The following SEMA5B variants were observed in gnomAD, a reference collection of about 807,000 sequenced individuals.
SEMA5B encodes semaphorin-5B.
SEMA5B carries 66 observed loss-of-function variants against 135.0 expected under a neutral mutation model. The ratio of observed to expected loss-of-function variants is 0.49; its 90% CI spans 0.40 to 0.60. The LOEUF (loss-of-function observed/expected upper bound fraction) is 0.60, where lower values mean the gene tolerates loss of function less well. Ranked by LOEUF, SEMA5B falls within the 20% of genes least tolerant of loss-of-function variation. The probability of loss-of-function intolerance (pLI) is 0.00; values close to 1 mark genes in which losing one functional copy is unlikely to be tolerated. For synonymous variants in SEMA5B, 690 were observed against 639.5 expected, an observed-to-expected ratio of 1.08 and a Z score of -1.19; for missense variants, 1,501 against 1,566.3, an observed-to-expected ratio of 0.96 and a Z score of 0.70.
rs371809601 is a variant in SEMA5B, at chr3:122,978,467, T to G, written c.-38-17166A>C. Among the ~76,000 whole-genome samples, 34 of 152,358 alleles carry G rather than the reference T, an allele frequency of 2.2e-4. No individual in the cohort carries two copies. In the East Asian group the frequency reaches 2.3e-3, roughly 10 times the overall value. The stretch of plus-strand genomic sequence containing the variant: ...AACCCTGGGCTGTACAAGCCCATGA[T>G]GACAGAGCTAGGTTTTTTCTTTTAA... On this transcript the variant is annotated intron_variant, in intron 1 of 22. Transcript: ENST00000357599.
At chr3:122,974,113 C>T (rs1411261617) in intron 1 of SEMA5B, among the ~76,000 whole-genome samples, 2 of 152,220 alleles carry the variant, frequency 1.3e-5, no homozygotes, top group Non-Finnish European at 2.9e-5. Flanking sequence ...CCCATCTGCT[C>T]CCGCCATGTG....
chr3:122,913,263 G>C lies in SEMA5B; in HGVS notation c.2442C>G (p.Phe814Leu). Residue 814 changes from phenylalanine (F) to leucine (L), a missense_variant, in exon 17 of 23, where the codon TTC becomes TTG. Physicochemically the swap from Phe to Leu is conservative, Grantham distance 22. Coordinates refer to ENST00000357599, the MANE Select transcript of SEMA5B (RefSeq NM_001031702.4). The stretch of plus-strand genomic sequence containing the variant: ...TCCTCGTCTCGGTCCTTCTCCTGCC[G>C]AACTGCAGGCCGTGCGGGTCTGCAA... ...APLADPHGLQ[F>L]GRRRTETRTC... is the part of the protein sequence containing the mutation. The C allele has an allele frequency of 6.3e-7, 1 of 1,585,132 alleles. No homozygotes were observed. Among genetic ancestry groups the C allele is most frequent in the South Asian group, 1.1e-5 (1 of 88,286 alleles).
chr3:122,941,805 T>C (rs991715654), intron 4 of SEMA5B, among the ~76,000 whole-genome samples: 10 of 152,266 alleles, frequency 6.6e-5, no homozygotes, highest in African/African-American at 2.4e-4. Flanking sequence ...GATTTTAATG[T>C]TGTCCTACAG....
At chr3:122,972,635 C>A (rs567719495) in intron 1 of SEMA5B, among the ~76,000 whole-genome samples, 2 of 152,342 alleles carry the variant, frequency 1.3e-5, no homozygotes, top group East Asian at 3.9e-4. Context: ...GAGACCCCCA[C>A]CTGAGTCGGT....
chr3:122,924,894 C>G (rs1322976122), intron 9 of SEMA5B, among the ~76,000 whole-genome samples: 8 of 152,202 alleles, frequency 5.3e-5, no homozygotes, highest in Non-Finnish European at 1.2e-4. Context: ...TAGCATTTCT[C>G]ATGATTAAAA....
At chr3:122,968,300 T>A (rs1276853017) in intron 1 of SEMA5B, among the ~76,000 whole-genome samples, 1 of 152,246 alleles carries the variant, frequency 6.6e-6, no homozygotes, top group Admixed American at 6.5e-5. Context: ...TTGCGATAAT[T>A]ATGGTCTGCT....
chr3:122,925,814 T>C (rs1263888637), intron 9 of SEMA5B, among the ~76,000 whole-genome samples: 1 of 151,386 alleles, frequency 6.6e-6, no homozygotes, highest in East Asian at 1.9e-4. Context: ...AAGCTTGGTC[T>C]ATAGGAAAGT....
chr3:122,928,763 C>G, intron 6 of SEMA5B, 148 bp from the exon 7 acceptor site: 1 of 723,104 alleles, frequency 1.4e-6, no homozygotes, highest in Admixed American at 2.5e-5. Flanking sequence ...GTCCGGGTCA[C>G]GTCTGTGGAC....
At chr3:122,966,699 C>G (rs973277961) in intron 1 of SEMA5B, among the ~76,000 whole-genome samples, 3 of 150,160 alleles carry the variant, frequency 2.0e-5, no homozygotes, top group African/African-American at 7.3e-5. Context: ...GGACTACAGG[C>G]CCCCGCCACC....
At chr3:123,022,750 G>A (rs551831890) in intron 1 of SEMA5B, among the ~76,000 whole-genome samples, 40 of 152,302 alleles carry the variant, frequency 2.6e-4, no homozygotes, top group African/African-American at 9.1e-4. Flanking sequence ...GGACTGAGAG[G>A]CCATTCTGCA....
intron 6 of SEMA5B, 57 bp from the exon 7 acceptor site, chr3:122,928,672 T>C (rs1432606887): frequency 3.2e-6 from 4 of 1,261,228 alleles, no homozygotes; most frequent in African/African-American, 1.5e-5. Flanking sequence ...ATGCTGGATA[T>C]CTCACGCTCA....
intron 2 of SEMA5B, among the ~76,000 whole-genome samples, chr3:122,954,792 CTTTTTTTT>C (rs34786092): frequency 7.7e-6 from 1 of 129,944 alleles, no homozygotes; most frequent in Non-Finnish European, 1.6e-5. Context: ...GGGTGGTCAT[CTTTTTTTT>C]TTTTTTTTTT....
intron 5 of SEMA5B, among the ~76,000 whole-genome samples, chr3:122,930,574 C>T (rs1370817160): frequency 6.6e-6 from 1 of 152,202 alleles, no homozygotes; most frequent in Admixed American, 6.5e-5. Context: ...GGACGGTGGG[C>T]GGCTCTGCGA....
At position 122,912,196 on chromosome 3, in the gene SEMA5B, G is replaced by A. The variant is rs534283633; in HGVS notation, c.2872C>T (p.Leu958=). 1.3e-6 allele frequency: 2 copies of A among 1,598,844 alleles called. No individual in the cohort carries two copies. Among genetic ancestry groups the A allele is most frequent in the Non-Finnish European group, 1.7e-6 (2 of 1,170,548 alleles). Residue 958 remains leucine (L), a synonymous_variant, in exon 19 of 23, where the codon CTA becomes TTA. Transcript: ENST00000357599. ...ICLGLHTEEA[L]CATQACPEGW... ...CCTGGGCAGGCCTGTGTGGCACATA[G>A]TGCCTCCTCCGTGTGCAGCCCGAGA...
chr3:123,021,881 G>C (rs547374229), intron 1 of SEMA5B, among the ~76,000 whole-genome samples: 5 of 152,212 alleles, frequency 3.3e-5, no homozygotes, highest in African/African-American at 1.2e-4. Context: ...GATGATATTT[G>C]GCTCAGGCTG....
At chr3:122,939,245 C>T (rs532777694) in intron 5 of SEMA5B, among the ~76,000 whole-genome samples, 180 bp downstream of exon 5, 3 of 152,346 alleles carry the variant, frequency 2.0e-5, no homozygotes, top group East Asian at 1.9e-4. Context: ...CCTCCCTCCA[C>T]GTACATTGCG....
intron 2 of SEMA5B, among the ~76,000 whole-genome samples, chr3:122,950,403 G>A (rs558075859): frequency 4.0e-5 from 6 of 151,810 alleles, no homozygotes; most frequent in Admixed American, 6.6e-5. Flanking sequence ...GTATTTACCC[G>A]TTGACCTAGC....
intron 1 of SEMA5B, chr3:122,976,052 T>C: frequency 6.5e-7 from 1 of 1,535,184 alleles, no homozygotes; most frequent in Non-Finnish European, 8.7e-7. Flanking sequence ...CTCTCCCAAA[T>C]GCCAGCTCAT....
intron 1 of SEMA5B, among the ~76,000 whole-genome samples, chr3:122,967,003 G>A (rs1319047991): frequency 6.6e-6 from 1 of 151,476 alleles, no homozygotes; most frequent in African/African-American, 2.4e-5. Flanking sequence ...TCCTGCCTCA[G>A]CCTCCTGAGT....
Sources: allele counts gnomAD v4.1 joint callset (sites outside exome capture counted in the v4.1 genomes callset), GRCh38; gene constraint gnomAD v4.1.1; transcripts MANE v1.5; gene names NCBI Gene and HGNC (gene_info 2026-07-23, HGNC 2026-07-21).